The following GPHN variants were observed in gnomAD, a reference collection of about 807,000 sequenced individuals.
The protein encoded by GPHN is gephyrin.
In GPHN, 17 loss-of-function variants were observed where a neutral mutation model predicts 95.5. The observed-to-expected ratio is 0.18, with a 90% CI of 0.12 to 0.27. The LOEUF (loss-of-function observed/expected upper bound fraction) is 0.27. Ranked by LOEUF, GPHN falls within the 10% of genes least tolerant of loss-of-function variation. GPHN has a pLI of 1.00. For missense variants in GPHN, 660 were observed against 978.1 expected, an observed-to-expected ratio of 0.67 and a Z score of 4.34; for synonymous variants, 320 against 322.5, an observed-to-expected ratio of 0.99 and a Z score of 0.08.
At chr14:66,800,578 G>GT (rs143537740) in intron 3 of GPHN, among the ~76,000 whole-genome samples, 10,505 of 148,798 alleles carry the variant, frequency 0.071, 877 homozygotes, top group African/African-American at 0.2. Context: ...GTTATTTGTA[G>GT]TTTTTTTTTT....
chr14:67,326,104 C>T, the GPHN span, among the ~76,000 whole-genome samples: 35 of 149,950 alleles, frequency 2.3e-4, no homozygotes, highest in African/African-American at 7.4e-4. Context: ...GGATTACAGG[C>T]GTGAGCCACC....
At chr14:67,138,706 G>A (rs1018954480) in intron 17 of GPHN, among the ~76,000 whole-genome samples, 1 of 151,958 alleles carries the variant, frequency 6.6e-6, no homozygotes, top group Non-Finnish European at 1.5e-5. Context: ...AAAAAAGAAA[G>A]CAAATTTATG....
chr14:66,778,110 A>G (rs1452907619), intron 3 of GPHN, among the ~76,000 whole-genome samples: 1 of 152,176 alleles, frequency 6.6e-6, no homozygotes, highest in Non-Finnish European at 1.5e-5. Flanking sequence ...TAAGCTGATA[A>G]GCAACTTCAG....
chr14:66,642,709 A>G, intron 1 of GPHN, among the ~76,000 whole-genome samples: 1 of 152,124 alleles, frequency 6.6e-6, no homozygotes, highest in East Asian at 1.9e-4. Flanking sequence ...TATTACTTCC[A>G]GGAACAGGTC....
At chr14:67,318,515 G>T in the GPHN span, among the ~76,000 whole-genome samples, 1 of 152,094 alleles carries the variant, frequency 6.6e-6, no homozygotes, top group African/African-American at 2.4e-5. Context: ...GAACCTTATG[G>T]ATATACACAC....
rs188654898 is a variant in GPHN, at chr14:66,676,857, T to A, written c.65-4250T>A. Among the ~76,000 whole-genome samples the A allele has an allele frequency of 3.6e-3, 555 of 152,156 alleles. 12 individuals carry two copies. Among genetic ancestry groups the A allele is most frequent in the African/African-American group, 0.013 (530 of 41,544 alleles). On this transcript the variant is annotated intron_variant, in intron 1 of 22. Transcript: ENST00000478722. ...GAATGAATTAGGAAGAATTTCCACC[T>A]TTTTAATTTTTTGGAAGAGTTTCAG...
At chr14:67,096,217 A>C (rs1326804060) in intron 12 of GPHN, among the ~76,000 whole-genome samples, 1 of 152,182 alleles carries the variant, frequency 6.6e-6, no homozygotes, top group Non-Finnish European at 1.5e-5. Context: ...AAGGTTGAGA[A>C]CATAGTGCAA....
chr14:67,095,303 GTTAGAAT>G (rs2077314107), intron 12 of GPHN, among the ~76,000 whole-genome samples: 1 of 152,108 alleles, frequency 6.6e-6, no homozygotes, highest in African/African-American at 2.4e-5. Context: ...GCATCAGCTT[GTTAGAAT>G]TTAGAATCTC....
At chr14:67,163,866 C>G (rs1567432100) in intron 19 of GPHN, among the ~76,000 whole-genome samples, 1 of 151,784 alleles carries the variant, frequency 6.6e-6, no homozygotes, top group Non-Finnish European at 1.5e-5. Flanking sequence ...AAAAAAAACA[C>G]TATTCTCAAC....
intron 5 of GPHN, among the ~76,000 whole-genome samples, chr14:66,882,363 G>T (rs973332540): frequency 6.6e-6 from 1 of 151,604 alleles, no homozygotes; most frequent in African/African-American, 2.4e-5. Flanking sequence ...TCAAGTTGGT[G>T]CCTTACCTTC....
chr14:67,089,133 C>CTTTTTT (rs1163483546), intron 12 of GPHN, 58 bp downstream of exon 12: 138 of 200,310 alleles, frequency 6.9e-4, no homozygotes, highest in South Asian at 1.0e-3. Flanking sequence ...TTCTTTTTTT[C>CTTTTTT]TTTTTTTTTT....
chr14:67,211,898 T>G, the GPHN span, among the ~76,000 whole-genome samples: 1 of 152,150 alleles, frequency 6.6e-6, no homozygotes, highest in Non-Finnish European at 1.5e-5. Flanking sequence ...CAGAACCAGT[T>G]TCTGTAGGTT....
At chr14:66,772,333 G>A (rs978805845) in intron 2 of GPHN, among the ~76,000 whole-genome samples, 1 of 152,278 alleles carries the variant, frequency 6.6e-6, no homozygotes, top group African/African-American at 2.4e-5. Context: ...TAGATAGCAG[G>A]CCCTGCTTTT....
At chr14:67,415,533 T>C in the GPHN span, among the ~76,000 whole-genome samples, 2 of 152,242 alleles carry the variant, frequency 1.3e-5, no homozygotes, top group East Asian at 3.8e-4. Context: ...TCTTGAAGCA[T>C]ATCACAAAAC....
At chr14:67,543,161 A>C in the GPHN span, among the ~76,000 whole-genome samples, 2 of 152,198 alleles carry the variant, frequency 1.3e-5, no homozygotes, top group Admixed American at 1.3e-4. Context: ...CCCTTCTTTC[A>C]TAAGTACAAA....
intron 1 of GPHN, among the ~76,000 whole-genome samples, chr14:66,569,500 T>TA (rs1490806749): frequency 3.3e-5 from 5 of 151,834 alleles, no homozygotes; most frequent in Non-Finnish European, 5.9e-5. Context: ...CCATCTCTAC[T>TA]AAAAATATAA....
chr14:66,577,651 A>G (rs941409485), intron 1 of GPHN, among the ~76,000 whole-genome samples: 1 of 152,148 alleles, frequency 6.6e-6, no homozygotes, highest in Non-Finnish European at 1.5e-5. Context: ...AGGAATCCTG[A>G]TCTTTACTGT....
intron 5 of GPHN, among the ~76,000 whole-genome samples, chr14:66,894,730 T>G (rs1372750238): frequency 2.0e-5 from 3 of 152,164 alleles, no homozygotes; most frequent in Non-Finnish European, 4.4e-5. Context: ...AAGAAGACAT[T>G]TATGCAGCCA....
At chr14:66,904,014 A>G (rs961972835) in intron 5 of GPHN, among the ~76,000 whole-genome samples, 1 of 152,014 alleles carries the variant, frequency 6.6e-6, no homozygotes, top group East Asian at 1.9e-4. Context: ...CTATCTCTTA[A>G]CAGGTTGTTG....
Sources: gnomAD v4.1 joint callset for allele counts (sites outside exome capture counted in the v4.1 genomes callset) on GRCh38, gnomAD v4.1.1 for gene constraint, MANE v1.5 for transcripts, NCBI Gene and HGNC (gene_info 2026-07-23, HGNC 2026-07-21) for gene names.